The following CACNA1C variants were observed in gnomAD, a reference collection of about 807,000 sequenced individuals.
CACNA1C encodes the protein calcium voltage-gated channel subunit alpha1 C.
CACNA1C carries 30 observed loss-of-function variants against 229.0 expected under a neutral mutation model. The ratio of observed to expected loss-of-function variants is 0.13; its 90% CI spans 0.10 to 0.18. CACNA1C has a LOEUF of 0.18. Among genes scored for constraint, CACNA1C ranks in the 10% least tolerant of loss-of-function variants. The pLI is 1.00. For missense variants in CACNA1C, 1,658 were observed against 2,845.0 expected (o/e 0.58, Z 9.49); for synonymous variants, 1,114 against 1,132.5 (o/e 0.98, Z 0.33).
At chr12:2,111,082 G>T (rs117765726) in intron 1 of CACNA1C, among the ~76,000 whole-genome samples, 1 of 152,210 alleles carries the variant, frequency 6.6e-6, no homozygotes, top group Non-Finnish European at 1.5e-5. Flanking sequence ...GCAGCAATGC[G>T]CAGAGCTGCC....
chr12:2,690,191 C>G (rs2153885145), intron 46 of CACNA1C: 2 of 153,006 alleles, frequency 1.3e-5, no homozygotes, highest in Admixed American at 1.3e-4. Flanking sequence ...TCAGCAGTTT[C>G]ACCAGGGAGA....
In CACNA1C at chr12:2,585,203, A is replaced by G. The variant is rs1348157757; in HGVS notation, c.2340-173A>G. On this transcript the variant is annotated intron_variant, in intron 16 of 46. Coordinates refer to ENST00000399655, the MANE Select transcript of CACNA1C (RefSeq NM_000719.7). This position sits in a 1 kb window ranked among gnomAD's most constrained non-coding sequence, Gnocchi z 4.1. ...CAGAGCAGGTGTAGCTCAGCCCCATAGCACTTGTGACTGAGCTGCACACGA... is the reference window on the plus strand; with the variant it reads ...CAGAGCAGGTGTAGCTCAGCCCCATGGCACTTGTGACTGAGCTGCACACGA... Among the ~76,000 whole-genome samples the G allele has an allele frequency of 2.0e-5, 3 of 152,136 alleles. No individual in the cohort carries two copies. Among genetic ancestry groups the G allele is most frequent in the African/African-American group, 7.2e-5 (3 of 41,426 alleles).
chr12:2,688,342 C>A, intron 45 of CACNA1C, 105 bp from the exon 46 acceptor site: 1 of 1,028,138 alleles, frequency 9.7e-7, no homozygotes, highest in Non-Finnish European at 1.5e-6. Context: ...GCAGGTGGAG[C>A]TAGCTGGACA....
intron 3 of CACNA1C, among the ~76,000 whole-genome samples, chr12:2,425,709 G>A (rs1440452443): frequency 6.6e-6 from 1 of 152,076 alleles, no homozygotes; most frequent in Non-Finnish European, 1.5e-5. Flanking sequence ...CTCCTCATTT[G>A]CAATGCTAAG....
chr12:2,466,575 C>T (rs1456257556), intron 5 of CACNA1C, among the ~76,000 whole-genome samples: 4 of 152,220 alleles, frequency 2.6e-5, no homozygotes, highest in Non-Finnish European at 4.4e-5. Flanking sequence ...TTTTCCACTG[C>T]CTGTGTCCTC....
chr12:2,550,003 T>C lies in CACNA1C; in HGVS notation c.1451T>C (p.Ile484Thr). 1 of 1,607,820 alleles carries C rather than the reference T, an allele frequency of 6.2e-7. No individual in the cohort carries two copies. The highest frequency in any genetic ancestry group is 8.5e-7 in the Non-Finnish European group (1 of 1,177,214). The change falls in exon 10 of 47, where the codon ATC becomes ACC. Residue 484 changes from isoleucine (I) to threonine (T), a missense_variant. Ile to Thr is a moderately conservative substitution (Grantham distance 89, BLOSUM62 -1). This residue lies in a region of CACNA1C where 149 missense variants were observed against 194.2 expected (regional missense o/e 0.77). Coordinates refer to ENST00000399655, the MANE Select transcript of CACNA1C (RefSeq NM_000719.7). Reference sequence around the variant, plus strand: ...ACCGAAAACGTGGCTGGAGGTGACATCGAGGGAGAAAACTGCGGGGCCAGG... The same window carrying C: ...ACCGAAAACGTGGCTGGAGGTGACACCGAGGGAGAAAACTGCGGGGCCAGG... The part of the protein sequence containing the change: ...VNTENVAGGD[I>T]EGENCGARLA...
chr12:1,997,851 G>T, intron 1 of CACNA1C: 1 of 1,081,270 alleles, frequency 9.2e-7, no homozygotes, highest in Non-Finnish European at 1.4e-6. Flanking sequence ...AAATAAAACT[G>T]CATGCACTTG....
At chr12:2,381,429 C>T (rs2098243575) in intron 3 of CACNA1C, among the ~76,000 whole-genome samples, 1 of 152,222 alleles carries the variant, frequency 6.6e-6, no homozygotes, top group Non-Finnish European at 1.5e-5. Context: ...GTTGTAGAGA[C>T]AGATGATGGA....
At position 2,456,265 on chromosome 12, in the gene CACNA1C, C is replaced by T. The variant is rs151133557; in HGVS notation, c.618-1302C>T. ...TCTGGTATCTAACTTTTCCTCACTA[C>T]CTCTAACACCACCACTTGTTCTGAG... On this transcript the variant is annotated intron_variant, in intron 4 of 46. Transcript: ENST00000399655. 4.9e-3 allele frequency among the ~76,000 whole-genome samples: 744 copies of T among 152,316 alleles called. 3 individuals carry two copies. Among genetic ancestry groups the T allele is most frequent in the Non-Finnish European group, 7.7e-3 (521 of 68,028 alleles).
intron 6 of CACNA1C, among the ~76,000 whole-genome samples, chr12:2,491,627 GAGA>G (rs371215626): frequency 6.6e-4 from 97 of 147,828 alleles, no homozygotes; most frequent in African/African-American, 2.2e-3. Flanking sequence ...GAGAGGAGAG[GAGA>G]AGAAGGAGGA....
chr12:2,078,015 AGT>A (rs2063867785), intron 1 of CACNA1C, among the ~76,000 whole-genome samples: 1 of 152,232 alleles, frequency 6.6e-6, no homozygotes, highest in Admixed American at 6.5e-5. Flanking sequence ...TGGACTGAAT[AGT>A]GTGTGGAAGC....
Position 2,008,133 on chromosome 12 carries a change from T to A in CACNA1C, c.139+36932T>A, listed in dbSNP as rs531212119. 2.0e-3 allele frequency among the ~76,000 whole-genome samples: 294 copies of A among 150,042 alleles called. 2 individuals carry two copies. The highest frequency in any genetic ancestry group is 3.2e-3 in the Non-Finnish European group (214 of 67,536). On this transcript the variant is annotated intron_variant, in intron 1 of 46. Transcript: ENST00000682462. ...TATTTATTTATTTATTTATTTATTT[T>A]TTGAGACAGGGTCTTTCTCTGTCGC...
At chr12:2,381,304 G>A (rs976962363) in intron 3 of CACNA1C, among the ~76,000 whole-genome samples, 1 of 152,170 alleles carries the variant, frequency 6.6e-6, no homozygotes, top group African/African-American at 2.4e-5. Flanking sequence ...TGAACCAAAG[G>A]CTAAGGGCCA....
At chr12:2,360,859 A>G (rs1440656787) in intron 3 of CACNA1C, among the ~76,000 whole-genome samples, 1 of 151,836 alleles carries the variant, frequency 6.6e-6, no homozygotes, top group Admixed American at 6.6e-5. Context: ...TGCATAACTT[A>G]TCCTAGGGAA....
intron 3 of CACNA1C, among the ~76,000 whole-genome samples, chr12:2,219,142 G>C (rs1234635210): frequency 6.6e-6 from 1 of 152,218 alleles, no homozygotes; most frequent in Non-Finnish European, 1.5e-5. Context: ...TCCCTTTTAT[G>C]ATGGTCATAA....
chr12:2,635,444 G>A (rs182721884), intron 30 of CACNA1C, among the ~76,000 whole-genome samples: 1 of 152,214 alleles, frequency 6.6e-6, no homozygotes, highest in East Asian at 1.9e-4. Flanking sequence ...GACTTTTGAT[G>A]CACTGAACTA....
intron 1 of CACNA1C, chr12:1,992,432 G>C (rs536579751): frequency 2.0e-5 from 3 of 153,216 alleles, no homozygotes; most frequent in African/African-American, 7.2e-5. Flanking sequence ...CAAAGAGTAG[G>C]ATGAAAAATA....
chr12:2,566,317 G>A lies in CACNA1C; in HGVS notation c.1509-105G>A. ...CCACCAGATTGGGCTGCTCTAGCAAGGCCAGATCAGTGAGGGGCGAGAAGA... is the reference window on the plus strand; with the variant it reads ...CCACCAGATTGGGCTGCTCTAGCAAAGCCAGATCAGTGAGGGGCGAGAAGA... On this transcript the variant is annotated intron_variant, in intron 11 of 46. Coordinates refer to ENST00000399655, the MANE Select transcript of CACNA1C (RefSeq NM_000719.7). The surrounding 1 kb of genome is among the most constrained non-coding windows in gnomAD (Gnocchi z 4.0). 1 of 1,097,314 alleles carries A rather than the reference G, an allele frequency of 9.1e-7. No individual in the cohort carries two copies. The highest frequency in any genetic ancestry group is 1.3e-6 in the Non-Finnish European group (1 of 769,508). 68.0% of individuals were successfully genotyped at this position (1,097,314 alleles called of 1,614,324 possible).
At chr12:2,468,065 G>A (rs904356537) in intron 5 of CACNA1C, among the ~76,000 whole-genome samples, 1 of 152,226 alleles carries the variant, frequency 6.6e-6, no homozygotes, top group African/African-American at 2.4e-5. Context: ...CCCGCCATGC[G>A]GCAAAGTGAG....
Sources: allele counts gnomAD v4.1 joint callset (sites outside exome capture counted in the v4.1 genomes callset), GRCh38; gene constraint gnomAD v4.1.1; regional missense constraint gnomAD v4.1.1; non-coding constraint Gnocchi (gnomAD v3.1); transcripts MANE v1.5; gene names NCBI Gene and HGNC (gene_info 2026-07-23, HGNC 2026-07-21).